The following SMG6 variants were observed in gnomAD, a reference collection of about 807,000 sequenced individuals.
SMG6 encodes the protein SMG6 nonsense mediated mRNA decay factor, also known as telomerase-binding protein EST1A.
In SMG6, 66 loss-of-function variants were observed where a neutral mutation model predicts 142.2. The observed-to-expected ratio is 0.46, with a 90% CI of 0.38 to 0.57. SMG6 has a LOEUF of 0.57. SMG6 is among the 20% of genes least tolerant of loss of function. The pLI is 0.00. For synonymous variants in SMG6, 779 were observed against 702.4 expected (o/e 1.11, Z -1.72); for missense variants, 1,793 against 1,832.0 (o/e 0.98, Z 0.39).
At chr17:2,291,145 C>A (rs551552034) in intron 6 of SMG6, among the ~76,000 whole-genome samples, 2 of 152,228 alleles carry the variant, frequency 1.3e-5, no homozygotes, top group East Asian at 3.9e-4. Context: ...TCCTGGCTAA[C>A]ACAATGAAAC....
In SMG6 at chr17:2,103,317, A is replaced by C. The variant is rs567973249; in HGVS notation, c.3358-17416T>G. On this transcript the variant is annotated intron_variant, in intron 13 of 18. Transcript: ENST00000263073. ...GGGCTTGGCCTTTTTGGAAGGGTTA[A>C]AGATTCAGAATGCGAACTAACAGTG... is the stretch of plus-strand genomic sequence containing the variant. Among the ~76,000 whole-genome samples the C allele has an allele frequency of 1.2e-3, 187 of 152,296 alleles. 2 individuals are homozygous for C. Among genetic ancestry groups the C allele is most frequent in the African/African-American group, 4.3e-3 (177 of 41,574 alleles).
At chr17:2,143,810 T>C (rs1440607990) in intron 13 of SMG6, among the ~76,000 whole-genome samples, 2 of 152,220 alleles carry the variant, frequency 1.3e-5, no homozygotes, top group East Asian at 1.9e-4. Context: ...AAATAATAAA[T>C]TGTATCTTTT....
chr17:2,160,624 G>A (rs1190776605), intron 13 of SMG6, among the ~76,000 whole-genome samples: 1 of 152,128 alleles, frequency 6.6e-6, no homozygotes, highest in Admixed American at 6.5e-5. Context: ...AAACCTAGGA[G>A]TTCAAGGCCA....
chr17:2,114,959 T>TAAAATAAA (rs1491429098), intron 13 of SMG6, among the ~76,000 whole-genome samples: 12,178 of 68,536 alleles, frequency 0.18, 1,892 homozygotes, highest in Non-Finnish European at 0.22. Flanking sequence ...AATAAAAAAA[T>TAAAATAAA]GAAATGAAAT....
chr17:2,168,830 C>T (rs2071418384), intron 13 of SMG6, among the ~76,000 whole-genome samples: 1 of 151,962 alleles, frequency 6.6e-6, no homozygotes, highest in African/African-American at 2.4e-5. Context: ...CTCACTGCAA[C>T]CTCTACCTTC....
At chr17:2,077,052 T>C (rs183909681) in intron 15 of SMG6, among the ~76,000 whole-genome samples, 2 of 152,318 alleles carry the variant, frequency 1.3e-5, no homozygotes, top group African/African-American at 2.4e-5. Context: ...CCTGGCAGCA[T>C]GTGCTCCCTC....
At chr17:2,210,302 T>A (rs74805008) in intron 10 of SMG6, among the ~76,000 whole-genome samples, 1 of 150,784 alleles carries the variant, frequency 6.6e-6, no homozygotes, top group Non-Finnish European at 1.5e-5. Flanking sequence ...TTTTTTTTTT[T>A]AAGAGATGGG....
intron 8 of SMG6, among the ~76,000 whole-genome samples, chr17:2,262,333 T>A (rs1019925383): frequency 1.4e-4 from 21 of 152,340 alleles, no homozygotes; most frequent in African/African-American, 4.8e-4. Flanking sequence ...GAAAGAACTA[T>A]TTGAAGGATT....
intron 13 of SMG6, among the ~76,000 whole-genome samples, chr17:2,093,700 A>G (rs1460294153): frequency 1.3e-5 from 2 of 152,102 alleles, no homozygotes; most frequent in African/African-American, 4.8e-5. Context: ...ATTTTTTTTA[A>G]ATTTGTCCAG....
chr17:2,215,220 C>CAT, intron 10 of SMG6, among the ~76,000 whole-genome samples: 1 of 151,480 alleles, frequency 6.6e-6, no homozygotes, highest in Admixed American at 6.6e-5. Context: ...TAAACACACA[C>CAT]ACACGCGCGC....
rs1473045706 is a variant in SMG6, at chr17:2,081,846, C to T, written c.3645G>A (p.Lys1215=). The T allele has an allele frequency of 1.9e-6, 3 of 1,613,900 alleles. No individual in the cohort carries two copies. In the African/African-American group the frequency reaches 4.0e-5, roughly 22 times the overall value. The change falls in exon 15 of 19, where the codon AAG becomes AAA. Residue 1215 remains lysine (K), a synonymous_variant. Transcript: ENST00000263073. The stretch of plus-strand genomic sequence containing the variant: ...CCTGGCGACGCTGCTGCTCAGCTAT[C>T]TTCCTGGCCAGAGCCAGCTTCTTGG... The part of the protein sequence containing the change: ...LRAKKLALAR[K]IAEQQRRQEK...
intron 13 of SMG6, among the ~76,000 whole-genome samples, chr17:2,092,765 G>A (rs1004785322): frequency 6.6e-6 from 1 of 152,238 alleles, no homozygotes; most frequent in Non-Finnish European, 1.5e-5. Flanking sequence ...CAATACAGGA[G>A]GTTGGACAAG....
intron 8 of SMG6, among the ~76,000 whole-genome samples, chr17:2,278,297 G>A (rs4790322): frequency 0.43 from 64,365 of 151,108 alleles, 14,961 homozygotes; most frequent in African/African-American, 0.62. Context: ...CCGCCTCCCG[G>A]GTTCAAGCGA....
intron 13 of SMG6, among the ~76,000 whole-genome samples, chr17:2,131,389 G>A (rs927572903): frequency 2.0e-5 from 3 of 151,730 alleles, no homozygotes; most frequent in African/African-American, 4.8e-5. Context: ...TCCGCCTCCC[G>A]GGTTCAAGCG....
At chr17:2,067,845 G>A (rs1291739863) in intron 16 of SMG6, among the ~76,000 whole-genome samples, 1 of 152,202 alleles carries the variant, frequency 6.6e-6, no homozygotes, top group Non-Finnish European at 1.5e-5. Context: ...GGGACTGGGA[G>A]GGAAGGCCCA....
At chr17:2,129,961 A>T (rs2070053993) in intron 13 of SMG6, among the ~76,000 whole-genome samples, 1 of 151,842 alleles carries the variant, frequency 6.6e-6, no homozygotes, top group African/African-American at 2.4e-5. Flanking sequence ...GATGAAGATA[A>T]AGAAACAGCA....
chr17:2,205,951 G>T (rs983858034), intron 10 of SMG6, among the ~76,000 whole-genome samples: 1 of 152,146 alleles, frequency 6.6e-6, no homozygotes, highest in South Asian at 2.1e-4. Flanking sequence ...TGGGACTACA[G>T]ATGTGTGCCA....
At chr17:2,061,789 C>CT in intron 18 of SMG6, 167 bp from the exon 19 acceptor site, 2 of 772,318 alleles carry the variant, frequency 2.6e-6, no homozygotes, top group Non-Finnish European at 4.1e-6. Context: ...CCCGGGGACC[C>CT]TCCCCTGCTG....
intron 6 of SMG6, among the ~76,000 whole-genome samples, chr17:2,285,964 C>CCA (rs1296936560): frequency 6.6e-6 from 1 of 151,904 alleles, no homozygotes; most frequent in African/African-American, 2.4e-5. Flanking sequence ...GTCAGACACC[C>CCA]CACCTGGCCA....
Sources: gnomAD v4.1 joint callset for allele counts (sites outside exome capture counted in the v4.1 genomes callset) on GRCh38, gnomAD v4.1.1 for gene constraint, MANE v1.5 for transcripts, NCBI Gene and HGNC (gene_info 2026-07-23, HGNC 2026-07-21) for gene names.